Variants in CACNA1D observed in about 807,000 individuals in gnomAD.
CACNA1D encodes voltage-dependent L-type calcium channel subunit alpha-1D.
Under a neutral mutation model 257.1 loss-of-function variants are expected in CACNA1D, and 55 were observed. The ratio of observed to expected loss-of-function variants is 0.21; its 90% CI spans 0.17 to 0.27. CACNA1D has a LOEUF of 0.27. Among genes scored for constraint, CACNA1D ranks in the 10% least tolerant of loss-of-function variants. The pLI is 1.00. For synonymous variants in CACNA1D, 980 were observed against 1,014.9 expected, an observed-to-expected ratio of 0.97 and a Z score of 0.65; for missense variants, 1,876 against 2,784.0, an observed-to-expected ratio of 0.67 and a Z score of 7.34.
intron 8 of CACNA1D, among the ~76,000 whole-genome samples, chr3:53,689,536 G>C (rs1376221543): frequency 1.3e-5 from 2 of 152,142 alleles, no homozygotes; most frequent in African/African-American, 4.8e-5. Context: ...AGATGGAAGT[G>C]AAGGTATAGA....
intron 3 of CACNA1D, among the ~76,000 whole-genome samples, chr3:53,567,750 T>C (rs1686389658): frequency 6.6e-6 from 1 of 152,262 alleles, no homozygotes; most frequent in South Asian, 2.1e-4. Context: ...AACAGCTTAA[T>C]TGCTTAATCT....
chr3:53,622,195 C>T (rs1038964834), intron 3 of CACNA1D, among the ~76,000 whole-genome samples: 2 of 152,090 alleles, frequency 1.3e-5, no homozygotes, highest in East Asian at 1.9e-4. Context: ...GGATCACAGG[C>T]GTAAGCCACC....
chr3:53,771,148 C>T lies in CACNA1D; in HGVS notation c.4044+596C>T, dbSNP rs532718821. Among the ~76,000 whole-genome samples, 10 of 152,302 alleles carry T rather than the reference C, an allele frequency of 6.6e-5. No homozygotes were observed. In the South Asian group the frequency reaches 2.1e-3, roughly 32 times the overall value. ...GTAGAACCAGCTTTTCCCGTACCTG[C>T]CAGTACCCTGCCCCAGACATTCTAG... On this transcript the variant is annotated intron_variant, in intron 32 of 47. Transcript: ENST00000350061.
intron 9 of CACNA1D, among the ~76,000 whole-genome samples, chr3:53,710,217 A>C (rs1421834142): frequency 6.6e-6 from 1 of 152,178 alleles, no homozygotes; most frequent in Non-Finnish European, 1.5e-5. Flanking sequence ...TGGAAAGGGC[A>C]CTTCCTCTCC....
At chr3:53,517,002 C>T (rs540646235) in intron 3 of CACNA1D, among the ~76,000 whole-genome samples, 1 of 152,164 alleles carries the variant, frequency 6.6e-6, no homozygotes, top group South Asian at 2.1e-4. Flanking sequence ...GCTTTGAGTC[C>T]CTGCTCTGTA....
chr3:53,707,671 C>T (rs2094704963), intron 9 of CACNA1D, among the ~76,000 whole-genome samples: 1 of 152,038 alleles, frequency 6.6e-6, no homozygotes, highest in Admixed American at 6.6e-5. Context: ...TGCCAAATCT[C>T]AAAGTGATTT....
chr3:53,590,651 A>G (rs2093290352), intron 3 of CACNA1D, among the ~76,000 whole-genome samples: 1 of 152,216 alleles, frequency 6.6e-6, no homozygotes, highest in Non-Finnish European at 1.5e-5. Context: ...TTGGAGAGTC[A>G]GTACAGAGTA....
intron 5 of CACNA1D, among the ~76,000 whole-genome samples, chr3:53,663,632 G>A (rs1176185087): frequency 6.6e-6 from 1 of 152,158 alleles, no homozygotes; most frequent in East Asian, 1.9e-4. Flanking sequence ...GACTCCATGG[G>A]TAGCTTCTAT....
intron 3 of CACNA1D, among the ~76,000 whole-genome samples, chr3:53,587,748 T>C (rs1661189800): frequency 6.6e-6 from 1 of 152,212 alleles, no homozygotes; most frequent in African/African-American, 2.4e-5. Flanking sequence ...AAGAGAGATA[T>C]AGCCACGTTT....
chr3:53,800,513 T>G lies in CACNA1D; in HGVS notation c.5040+148T>G. 5.4e-6 allele frequency: 4 copies of G among 741,534 alleles called. 1 individual carries two copies. The South Asian group carries it at 5.6e-5, about 10-fold the overall frequency. 45.9% of individuals were successfully genotyped at this position (741,534 alleles called of 1,614,324 possible). On this transcript the variant is annotated intron_variant, in intron 41 of 47. Transcript: ENST00000350061. The surrounding 1 kb of genome is among the most constrained non-coding windows in gnomAD (Gnocchi z 4.3). The stretch of plus-strand genomic sequence containing the variant: ...GGGCTTTCAGACCACACCCTCCCCC[T>G]CTTACAGACCCTCCCCAGGCATCAG...
Position 53,723,365 on chromosome 3 carries a change from G to A in CACNA1D, c.1667-69G>A. On this transcript the variant is annotated intron_variant, in intron 12 of 47. Coordinates refer to ENST00000350061, the MANE Select transcript of CACNA1D (RefSeq NM_001128840.3). This position sits in a 1 kb window ranked among gnomAD's most constrained non-coding sequence, Gnocchi z 5.6. ...TGTGGGGCCTGATAGGGAGGGAGGT[G>A]TGAGGGGCACGAGCAGTCTGAGTGT... 2 of 1,112,804 alleles carry A rather than the reference G, an allele frequency of 1.8e-6. No homozygotes were observed. The highest frequency in any genetic ancestry group is 3.4e-5 in the Admixed American group (2 of 59,392). The allele number at this position is 1,112,804 out of a possible 1,614,324, so 68.9% of individuals were successfully genotyped here.
At chr3:53,507,446 C>G (rs946346422) in intron 3 of CACNA1D, among the ~76,000 whole-genome samples, 4 of 150,674 alleles carry the variant, frequency 2.7e-5, no homozygotes, top group African/African-American at 9.7e-5. Context: ...CCATGTCTCC[C>G]CCCGCCAAAA....
intron 20 of CACNA1D, among the ~76,000 whole-genome samples, chr3:53,739,847 TC>T (rs1162528330): frequency 6.6e-6 from 1 of 152,198 alleles, no homozygotes; most frequent in Non-Finnish European, 1.5e-5. Context: ...CATTTATGCT[TC>T]TCCACCAATC....
intron 9 of CACNA1D, among the ~76,000 whole-genome samples, chr3:53,716,588 T>TTTG (rs2094821079): frequency 6.6e-6 from 1 of 152,140 alleles, no homozygotes; most frequent in Non-Finnish European, 1.5e-5. Flanking sequence ...GTCCAGTTTT[T>TTTG]TTTGTTTGTT....
intron 7 of CACNA1D, 43 bp from the exon 8 acceptor site, chr3:53,672,980 C>T (rs1366299998): frequency 7.8e-7 from 1 of 1,276,450 alleles, no homozygotes; most frequent in South Asian, 1.3e-5. Context: ...TTATTAAATC[C>T]TCTTATTAAC....
chr3:53,543,121 A>AAAATAAATAAATAAAT (rs752946981), intron 3 of CACNA1D, among the ~76,000 whole-genome samples: 11 of 149,402 alleles, frequency 7.4e-5, no homozygotes, highest in African/African-American at 2.8e-4. Context: ...GCAGCAGTAA[A>AAAATAAATAAATAAAT]AAATAAATAA....
chr3:53,504,058 T>G (rs546727409), intron 3 of CACNA1D, among the ~76,000 whole-genome samples: 2 of 151,924 alleles, frequency 1.3e-5, no homozygotes, highest in East Asian at 1.9e-4. Flanking sequence ...GTTTTTTGTT[T>G]TTTTTTTTTT....
chr3:53,740,364 C>A, intron 21 of CACNA1D, 25 bp downstream of exon 21: 1 of 1,481,928 alleles, frequency 6.7e-7, no homozygotes, highest in Non-Finnish European at 9.4e-7. Context: ...TTGATCTTCA[C>A]ATACTCCACA....
chr3:53,798,647 C>A (rs1318404015), intron 40 of CACNA1D, among the ~76,000 whole-genome samples: 1 of 152,222 alleles, frequency 6.6e-6, no homozygotes, highest in Non-Finnish European at 1.5e-5. Context: ...AACCTGGCAC[C>A]ATTTTTAGCA....
Sources: gnomAD v4.1 joint callset for allele counts (sites outside exome capture counted in the v4.1 genomes callset) on GRCh38, gnomAD v4.1.1 for gene constraint, Gnocchi (gnomAD v3.1) non-coding constraint, MANE v1.5 for transcripts, NCBI Gene and HGNC (gene_info 2026-07-23, HGNC 2026-07-21) for gene names.